Variants in COL24A1 observed in about 807,000 individuals in gnomAD.
COL24A1 encodes collagen alpha-1(XXIV) chain.
COL24A1 carries 224 observed loss-of-function variants against 253.9 expected under a neutral mutation model. That is an observed-to-expected ratio of 0.88 (90% CI 0.79 to 0.99). COL24A1 has a LOEUF of 0.99. Among genes scored for constraint, COL24A1 ranks in the 50% least tolerant of loss-of-function variants. The pLI, the probability that COL24A1 is intolerant of heterozygous loss-of-function variation, is 0.00. For synonymous variants in COL24A1, 685 were observed against 673.7 expected, an observed-to-expected ratio of 1.02 and a Z score of -0.26; for missense variants, 2,131 against 2,068.5, an observed-to-expected ratio of 1.03 and a Z score of -0.59.
intron 1 of COL24A1, among the ~76,000 whole-genome samples, chr1:86,147,730 G>GA (rs1652104339): frequency 1.3e-5 from 2 of 152,244 alleles, no homozygotes; most frequent in African/African-American, 4.8e-5. Context: ...CAAACTCTGA[G>GA]AAAAAACTAT....
rs140131093 is a variant in COL24A1, at chr1:85,841,007, C to T, written c.3627+215G>A. Among the ~76,000 whole-genome samples, 15 of 151,952 alleles carry T rather than the reference C, an allele frequency of 9.9e-5. No homozygotes were observed. In the East Asian group the frequency reaches 2.9e-3, roughly 29 times the overall value. On this transcript the variant is annotated intron_variant, in intron 42 of 59. Coordinates refer to ENST00000370571, the MANE Select transcript of COL24A1 (RefSeq NM_152890.7). ...AGATTTGGGAAGTCACTATATTAAC[C>T]CTATATATTATGCTAAAATATGACC...
intron 22 of COL24A1, 49 bp from the exon 23 acceptor site, chr1:85,965,111 T>C (rs754640465): frequency 1.4e-6 from 2 of 1,462,738 alleles, no homozygotes; most frequent in Admixed American, 2.1e-5. Context: ...TTAGTCATTC[T>C]CATTTTTGAA....
chr1:85,764,756 C>T (rs944810899), intron 53 of COL24A1, among the ~76,000 whole-genome samples: 65 of 152,106 alleles, frequency 4.3e-4, no homozygotes, highest in African/African-American at 1.4e-3. Context: ...TATCAATTTT[C>T]TTCCTGATGT....
intron 37 of COL24A1, among the ~76,000 whole-genome samples, chr1:85,856,657 C>G (rs1227837128): frequency 6.6e-6 from 1 of 152,132 alleles, no homozygotes; most frequent in African/African-American, 2.4e-5. Flanking sequence ...AATCCCTCCT[C>G]CTAACCCTAA....
intron 37 of COL24A1, among the ~76,000 whole-genome samples, chr1:85,864,657 G>T (rs1679581326): frequency 6.6e-6 from 1 of 151,672 alleles, no homozygotes; most frequent in African/African-American, 2.4e-5. Flanking sequence ...TCACTTTTAA[G>T]ATCTTATTTA....
chr1:86,022,295 TAAGAG>T lies in COL24A1; in HGVS notation c.2203-7_2203-3del. ...TGGTCCTGGTAAACCAACAGCACCC[TAAGAG>T]AAGAGAATAACAGAAGAGAAAGTTA... On this transcript the variant is annotated splice_region_variant and splice_polypyrimidine_tract_variant and intron_variant, in intron 17 of 59. Transcript: ENST00000370571. 4 of 1,556,758 alleles carry T rather than the reference TAAGAG, an allele frequency of 2.6e-6. No homozygotes were observed. The highest frequency in any genetic ancestry group is 3.4e-6 in the Non-Finnish European group (4 of 1,161,176).
chr1:85,961,151 T>A, intron 24 of COL24A1, 98 bp downstream of exon 24: 1 of 888,188 alleles, frequency 1.1e-6, no homozygotes, highest in Non-Finnish European at 1.8e-6. Flanking sequence ...ATTATTCTGA[T>A]TCCGAGTAAC....
chr1:85,782,758 C>T (rs1032596486), intron 51 of COL24A1, among the ~76,000 whole-genome samples: 3 of 152,154 alleles, frequency 2.0e-5, no homozygotes, highest in Non-Finnish European at 4.4e-5. Flanking sequence ...CAACACTTGC[C>T]CCTGCAGCTG....
chr1:85,967,329 G>T (rs1691666078), intron 22 of COL24A1, among the ~76,000 whole-genome samples: 1 of 152,130 alleles, frequency 6.6e-6, no homozygotes, highest in South Asian at 2.1e-4. Flanking sequence ...AGAATAAATA[G>T]GCTTGAAGAT....
chr1:85,865,410 TAA>T (rs1255950508), intron 37 of COL24A1, among the ~76,000 whole-genome samples: 1 of 151,996 alleles, frequency 6.6e-6, no homozygotes, highest in Non-Finnish European at 1.5e-5. Flanking sequence ...ACAAAAAGAA[TAA>T]AAAAACACAC....
intron 5 of COL24A1, among the ~76,000 whole-genome samples, chr1:86,107,363 T>C (rs970454022): frequency 6.6e-6 from 1 of 152,156 alleles, no homozygotes; most frequent in Non-Finnish European, 1.5e-5. Context: ...TGGCAGATAT[T>C]AGATAAAAGA....
intron 1 of COL24A1, among the ~76,000 whole-genome samples, chr1:86,150,790 T>C (rs896514825): frequency 6.6e-6 from 1 of 152,168 alleles, no homozygotes; most frequent in African/African-American, 2.4e-5. Flanking sequence ...ATACATTTCC[T>C]CAACAAATAA....
intron 38 of COL24A1, among the ~76,000 whole-genome samples, chr1:85,848,632 A>G (rs1202031385): frequency 6.6e-6 from 1 of 152,094 alleles, no homozygotes; most frequent in South Asian, 2.1e-4. Context: ...TTTCTTTAGC[A>G]CCAAAATATA....
intron 32 of COL24A1, among the ~76,000 whole-genome samples, chr1:85,882,420 G>T (rs541114478): frequency 1.3e-5 from 2 of 151,942 alleles, no homozygotes; most frequent in Non-Finnish European, 2.9e-5. Flanking sequence ...AGCCGAGATC[G>T]GCCACTGCAC....
intron 24 of COL24A1, among the ~76,000 whole-genome samples, chr1:85,923,935 A>C (rs1444657089): frequency 6.6e-6 from 1 of 152,188 alleles, no homozygotes; most frequent in East Asian, 1.9e-4. Context: ...AGACTAATAA[A>C]GAAGAAAAGA....
At chr1:86,058,713 T>C (rs982925740) in intron 9 of COL24A1, among the ~76,000 whole-genome samples, 1 of 151,436 alleles carries the variant, frequency 6.6e-6, no homozygotes, top group African/African-American at 2.4e-5. Flanking sequence ...GATAAAAGTG[T>C]TTGGTAGTGG....
At chr1:85,902,014 G>A (rs559713658) in intron 28 of COL24A1, among the ~76,000 whole-genome samples, 2 of 152,186 alleles carry the variant, frequency 1.3e-5, no homozygotes, top group East Asian at 1.9e-4. Context: ...GATAAATAAA[G>A]TGTGGTATAT....
intron 32 of COL24A1, among the ~76,000 whole-genome samples, chr1:85,880,612 A>G (rs1681722748): frequency 6.6e-6 from 1 of 152,178 alleles, no homozygotes; most frequent in Non-Finnish European, 1.5e-5. Flanking sequence ...CTTGTTCTTA[A>G]AAGAAAAGTA....
intron 19 of COL24A1, among the ~76,000 whole-genome samples, chr1:86,010,111 C>T (rs1447502637): frequency 3.9e-5 from 6 of 151,972 alleles, no homozygotes; most frequent in Non-Finnish European, 8.8e-5. Flanking sequence ...GGAAACTAGT[C>T]AAGAATCAGA....
Sources: gnomAD v4.1 joint callset for allele counts (sites outside exome capture counted in the v4.1 genomes callset) on GRCh38, gnomAD v4.1.1 for gene constraint, MANE v1.5 for transcripts, NCBI Gene and HGNC (gene_info 2026-07-23, HGNC 2026-07-21) for gene names.